The following JPH3 variants were observed in gnomAD, a reference collection of about 807,000 sequenced individuals.
JPH3 encodes the protein junctophilin 3, also known as junctophilin-3.
Under a neutral mutation model 59.6 loss-of-function variants are expected in JPH3, and 11 were observed. That is an observed-to-expected ratio of 0.18 (90% CI 0.12 to 0.31). The LOEUF is 0.31. Among genes scored for constraint, JPH3 ranks in the 10% least tolerant of loss-of-function variants. The pLI, the probability that JPH3 is intolerant of heterozygous loss-of-function variation, is 1.00. For missense variants in JPH3, 1,202 were observed against 1,105.7 expected (o/e 1.09, Z -1.24); for synonymous variants, 673 against 483.6 (o/e 1.39, Z -5.14).
chr16:87,661,408 C>T (rs58345847), intron 2 of JPH3, among the ~76,000 whole-genome samples: 35,997 of 152,154 alleles, frequency 0.24, 4,774 homozygotes, highest in South Asian at 0.38. Flanking sequence ...CTGCTGACCA[C>T]GCTCTCCTCT....
chr16:87,615,122 G>A (rs1443583847), intron 1 of JPH3, among the ~76,000 whole-genome samples: 3 of 152,266 alleles, frequency 2.0e-5, no homozygotes, highest in Non-Finnish European at 4.4e-5. Flanking sequence ...CACACATGAG[G>A]GTTGGTGGCT....
chr16:87,676,456 CG>C (rs1301036917), intron 2 of JPH3, among the ~76,000 whole-genome samples: 1 of 152,128 alleles, frequency 6.6e-6, no homozygotes, highest in East Asian at 1.9e-4. Flanking sequence ...ATATTTTAGC[CG>C]GGGTGCAGTG....
At chr16:87,616,067 G>T (rs1253035937) in intron 1 of JPH3, among the ~76,000 whole-genome samples, 1 of 152,174 alleles carries the variant, frequency 6.6e-6, no homozygotes, top group Non-Finnish European at 1.5e-5. Context: ...CCGCAGTTGG[G>T]AGAAGGGCAC....
At position 87,675,758 on chromosome 16, in the gene JPH3, C is replaced by T. The variant is rs536412347; in HGVS notation, c.1161-8384C>T. ...TGCAGCAGGAAGCAGGTGTGGGGTG[C>T]CTGCTGCCCAGGCCCTGTTCCCCAG... On this transcript the variant is annotated intron_variant, in intron 2 of 4. Coordinates refer to ENST00000284262, the MANE Select transcript of JPH3 (RefSeq NM_020655.4). 1.1e-4 allele frequency among the ~76,000 whole-genome samples: 17 copies of T among 152,314 alleles called. No individual in the cohort carries two copies. The South Asian group carries it at 3.1e-3, about 28-fold the overall frequency.
intron 3 of JPH3, among the ~76,000 whole-genome samples, chr16:87,687,423 CCTGT>C (rs1339900038): frequency 6.6e-6 from 1 of 152,190 alleles, no homozygotes; most frequent in African/African-American, 2.4e-5. Flanking sequence ...CCTCTTGCTG[CCTGT>C]CTGGGAGGTC....
At chr16:87,655,374 G>A (rs185074941) in intron 2 of JPH3, among the ~76,000 whole-genome samples, 62 of 133,030 alleles carry the variant, frequency 4.7e-4, no homozygotes, top group African/African-American at 1.6e-3. Flanking sequence ...TTTGTGACAG[G>A]GTGTTGTTCT....
chr16:87,637,411 AGTGTGTGTGTTTGTGTGTGTGT>A (rs1350954897), intron 1 of JPH3, among the ~76,000 whole-genome samples: 1 of 111,968 alleles, frequency 8.9e-6, no homozygotes, highest in Non-Finnish European at 1.8e-5. Context: ...AGAGAGAGAG[AGTGTGTGTGTTTGTGTGTGTGT>A]GTGTGTGTGT....
At chr16:87,618,042 C>T (rs2031037903) in intron 1 of JPH3, among the ~76,000 whole-genome samples, 1 of 152,044 alleles carries the variant, frequency 6.6e-6, no homozygotes, top group African/African-American at 2.4e-5. Context: ...CCTGCGCCTG[C>T]AGTCCCAGCC....
chr16:87,680,534 G>C (rs991294588), intron 2 of JPH3, among the ~76,000 whole-genome samples: 7 of 152,248 alleles, frequency 4.6e-5, no homozygotes, highest in African/African-American at 1.4e-4. Context: ...TTCCTCCAGG[G>C]AAGGTTGCAA....
At chr16:87,615,990 A>C (rs1336647646) in intron 1 of JPH3, among the ~76,000 whole-genome samples, 1 of 152,094 alleles carries the variant, frequency 6.6e-6, no homozygotes, top group Non-Finnish European at 1.5e-5. Flanking sequence ...AGCCTGCAGG[A>C]GGGAGACGGT....
chr16:87,608,907 G>GCACGCCTGTGGTCCCA (rs2150821282), intron 1 of JPH3, among the ~76,000 whole-genome samples: 1 of 152,316 alleles, frequency 6.6e-6, no homozygotes, highest in South Asian at 2.1e-4. Flanking sequence ...GTGTGGTGCT[G>GCACGCCTGTGGTCCCA]CACGCCTGTG....
At chr16:87,662,243 A>G (rs184343890) in intron 2 of JPH3, among the ~76,000 whole-genome samples, 67 of 152,196 alleles carry the variant, frequency 4.4e-4, no homozygotes, top group African/African-American at 1.4e-3. Context: ...CGCTGCCGAG[A>G]TAGCAGCCCC....
intron 1 of JPH3, 134 bp downstream of exon 1, chr16:87,603,662 C>T: frequency 8.7e-7 from 1 of 1,154,626 alleles, no homozygotes; most frequent in South Asian, 1.6e-5. Context: ...TCCCGGGCTT[C>T]CCTGGAAGCC....
At chr16:87,643,216 G>C (rs1388058982) in intron 1 of JPH3, among the ~76,000 whole-genome samples, 2 of 152,256 alleles carry the variant, frequency 1.3e-5, no homozygotes, top group African/African-American at 4.8e-5. Flanking sequence ...GCCTGTGTGA[G>C]AATGTTCTAC....
At chr16:87,685,841 C>T (rs2033404469) in intron 3 of JPH3, among the ~76,000 whole-genome samples, 1 of 152,234 alleles carries the variant, frequency 6.6e-6, no homozygotes, top group Admixed American at 6.5e-5. Flanking sequence ...ACATTGAAGC[C>T]TCCATCCTGT....
chr16:87,622,062 C>T (rs35550013), intron 1 of JPH3, among the ~76,000 whole-genome samples: 17,773 of 152,042 alleles, frequency 0.12, 1,208 homozygotes, highest in African/African-American at 0.18. Context: ...TTATATCCAA[C>T]AGAAGAACGA....
At position 87,698,125 on chromosome 16, in the gene JPH3, T is replaced by TAAACTA. The variant is rs1413434344; in HGVS notation, c.*1468_*1473dup. On this transcript the variant is annotated 3_prime_UTR_variant, in exon 5 of 5. Coordinates refer to ENST00000284262, the MANE Select transcript of JPH3 (RefSeq NM_020655.4). ...GGATTGCTATATTTTTAACCAGAAATAAACTAAAGATTAGAGCATGTTCCA... is the reference window on the plus strand; with the variant it reads ...GGATTGCTATATTTTTAACCAGAAATAAACTAAAACTAAAGATTAGAGCATGTTCCA... 2 of 152,586 alleles carry TAAACTA rather than the reference T, an allele frequency of 1.3e-5. No individual in the cohort carries two copies. The highest frequency in any genetic ancestry group is 2.9e-5 in the Non-Finnish European group (2 of 68,034). The allele number at this position is 152,586 out of a possible 1,614,324, so 9.5% of individuals were successfully genotyped here.
chr16:87,640,723 C>T (rs1253586358), intron 1 of JPH3, among the ~76,000 whole-genome samples: 3 of 152,200 alleles, frequency 2.0e-5, no homozygotes, highest in African/African-American at 7.2e-5. Context: ...AAGTATGTCC[C>T]ATGCAGCGTG....
chr16:87,661,384 T>G (rs1483273267), intron 2 of JPH3, among the ~76,000 whole-genome samples: 2 of 152,252 alleles, frequency 1.3e-5, no homozygotes, highest in Non-Finnish European at 2.9e-5. Context: ...GGGACATCTT[T>G]GAGGGCTGTG....
Sources: allele counts gnomAD v4.1 joint callset (sites outside exome capture counted in the v4.1 genomes callset), GRCh38; gene constraint gnomAD v4.1.1; transcripts MANE v1.5; gene names NCBI Gene and HGNC (gene_info 2026-07-23, HGNC 2026-07-21).